CNTN1: variants seen among roughly 807,000 people sequenced by gnomAD.
CNTN1 encodes contactin-1.
In CNTN1, 38 loss-of-function variants were observed where a neutral mutation model predicts 126.4. The ratio of observed to expected loss-of-function variants is 0.30; its 90% CI spans 0.23 to 0.39. CNTN1 has a LOEUF of 0.39. Ranked by LOEUF, CNTN1 falls within the 10% of genes least tolerant of loss-of-function variation. CNTN1 has a pLI of 1.00. For synonymous variants in CNTN1, 413 were observed against 422.6 expected, an observed-to-expected ratio of 0.98 and a Z score of 0.28; for missense variants, 1,009 against 1,248.4, an observed-to-expected ratio of 0.81 and a Z score of 2.89.
chr12:40,734,523 T>C (rs1446382618), intron 1 of CNTN1, among the ~76,000 whole-genome samples: 2 of 152,150 alleles, frequency 1.3e-5, no homozygotes, highest in Non-Finnish European at 2.9e-5. Flanking sequence ...ATTTAAATAC[T>C]GGCCTTTGGC....
intron 1 of CNTN1, among the ~76,000 whole-genome samples, chr12:40,846,875 T>C (rs995149733): frequency 2.0e-5 from 3 of 151,938 alleles, no homozygotes; most frequent in Non-Finnish European, 4.4e-5. Flanking sequence ...TTATTATTTT[T>C]ATTTTTTTCT....
chr12:40,764,801 A>G (rs1592061374), intron 1 of CNTN1, among the ~76,000 whole-genome samples: 2 of 152,230 alleles, frequency 1.3e-5, no homozygotes, highest in Admixed American at 6.5e-5. Flanking sequence ...TCCACCTTTC[A>G]TGAGAAGATA....
At chr12:40,779,748 T>A (rs989929416) in intron 1 of CNTN1, among the ~76,000 whole-genome samples, 1 of 151,936 alleles carries the variant, frequency 6.6e-6, no homozygotes, top group Non-Finnish European at 1.5e-5. Flanking sequence ...AAGTTAAATC[T>A]ATTTTTAAAA....
chr12:40,965,998 C>CCCCACACA (rs1947294106), intron 15 of CNTN1, among the ~76,000 whole-genome samples: 1 of 136,200 alleles, frequency 7.3e-6, no homozygotes, highest in African/African-American at 2.9e-5. Flanking sequence ...CCTCATCACA[C>CCCCACACA]CACACACACA....
chr12:40,917,754 G>A (rs1945296673), intron 3 of CNTN1, among the ~76,000 whole-genome samples: 1 of 152,144 alleles, frequency 6.6e-6, no homozygotes, highest in Admixed American at 6.6e-5. Flanking sequence ...GTGGTGGCAT[G>A]TGAATGATTT....
intron 1 of CNTN1, among the ~76,000 whole-genome samples, chr12:40,812,757 C>G (rs1592114543): frequency 6.6e-6 from 1 of 152,092 alleles, no homozygotes; most frequent in South Asian, 2.1e-4. Flanking sequence ...TACATCCCTT[C>G]ACTTTGTATG....
At chr12:40,862,934 A>AT in intron 1 of CNTN1, among the ~76,000 whole-genome samples, 1 of 152,310 alleles carries the variant, frequency 6.6e-6, no homozygotes, top group African/African-American at 2.4e-5. Context: ...AACTAGAAGC[A>AT]TTTTTATATT....
At chr12:40,776,142 T>A (rs557111790) in intron 1 of CNTN1, among the ~76,000 whole-genome samples, 1 of 151,702 alleles carries the variant, frequency 6.6e-6, no homozygotes, top group Non-Finnish European at 1.5e-5. Flanking sequence ...TTTCTATTCT[T>A]TTTTATTTAA....
chr12:40,721,499 A>G (rs1239103684), intron 1 of CNTN1, among the ~76,000 whole-genome samples: 6 of 152,002 alleles, frequency 3.9e-5, no homozygotes, highest in African/African-American at 1.4e-4. Context: ...CATTTTTATA[A>G]TTTATCATGA....
intron 1 of CNTN1, among the ~76,000 whole-genome samples, chr12:40,818,751 T>G (rs1941338834): frequency 6.6e-6 from 1 of 152,204 alleles, no homozygotes; most frequent in South Asian, 2.1e-4. Flanking sequence ...GAGGAGGCAC[T>G]CTGGCCTTTT....
chr12:40,962,435 T>C (rs1273737997), intron 15 of CNTN1, among the ~76,000 whole-genome samples: 3 of 152,094 alleles, frequency 2.0e-5, no homozygotes, highest in African/African-American at 7.2e-5. Flanking sequence ...TCTGAATGCC[T>C]CTAAATATAA....
At chr12:40,941,257 G>A (rs1946255189) in intron 12 of CNTN1, among the ~76,000 whole-genome samples, 1 of 151,958 alleles carries the variant, frequency 6.6e-6, no homozygotes, top group Admixed American at 6.6e-5. Context: ...TACTATCTCA[G>A]TGTAAATACT....
intron 15 of CNTN1, among the ~76,000 whole-genome samples, chr12:40,967,498 A>G (rs1407754604): frequency 6.6e-6 from 1 of 152,040 alleles, no homozygotes; most frequent in Non-Finnish European, 1.5e-5. Flanking sequence ...AACAAAACAA[A>G]CAAACAAACA....
At chr12:40,818,838 C>A (rs1253782868) in intron 1 of CNTN1, among the ~76,000 whole-genome samples, 1 of 152,014 alleles carries the variant, frequency 6.6e-6, no homozygotes, top group Non-Finnish European at 1.5e-5. Context: ...GGCTGCTGAC[C>A]TTTGGATGGG....
At chr12:41,041,398 C>T (rs1434241370) in intron 23 of CNTN1, among the ~76,000 whole-genome samples, 2 of 151,982 alleles carry the variant, frequency 1.3e-5, no homozygotes, top group South Asian at 4.1e-4. Context: ...TGTCTCTGCC[C>T]GGCTTTGGTA....
intron 1 of CNTN1, among the ~76,000 whole-genome samples, chr12:40,755,678 TA>T (rs1424539925): frequency 6.6e-6 from 1 of 152,002 alleles, no homozygotes; most frequent in Non-Finnish European, 1.5e-5. Context: ...CCAGTGCATT[TA>T]AACCTCAGTG....
chr12:41,020,503 A>G, intron 20 of CNTN1, 63 bp downstream of exon 20: 1 of 1,055,568 alleles, frequency 9.5e-7, no homozygotes. Flanking sequence ...TACGTTTTCA[A>G]ATGTGTTGTA....
chr12:40,783,934 A>G (rs757852352), intron 1 of CNTN1, among the ~76,000 whole-genome samples: 22 of 152,156 alleles, frequency 1.4e-4, no homozygotes, highest in Admixed American at 2.6e-4. Flanking sequence ...GACCATCTTC[A>G]CTTGTAGATT....
At chr12:40,943,516 T>C (rs565683084) in intron 12 of CNTN1, 81 bp from the exon 13 acceptor site, 1 of 1,075,328 alleles carries the variant, frequency 9.3e-7, no homozygotes, top group South Asian at 1.4e-5. Context: ...AATTGAAAAA[T>C]ATTAGTGTTT....
Sources: gnomAD v4.1 joint callset for allele counts (sites outside exome capture counted in the v4.1 genomes callset) on GRCh38, gnomAD v4.1.1 for gene constraint, MANE v1.5 for transcripts, NCBI Gene and HGNC (gene_info 2026-07-23, HGNC 2026-07-21) for gene names.